The following TMEM106B variants were observed in gnomAD, a reference collection of about 807,000 sequenced individuals.
The protein encoded by TMEM106B is transmembrane protein 106B.
Under a neutral mutation model 31.1 loss-of-function variants are expected in TMEM106B, and 15 were observed. That is an observed-to-expected ratio of 0.48 (90% confidence interval 0.32 to 0.74). The LOEUF (loss-of-function observed/expected upper bound fraction) is 0.74, where lower values mean the gene tolerates loss of function less well. Among genes scored for constraint, TMEM106B ranks in the 30% least tolerant of loss-of-function variants. The pLI is 0.03. For missense variants in TMEM106B, 283 were observed against 327.3 expected (o/e 0.86, Z 1.04); for synonymous variants, 126 against 112.5 (o/e 1.12, Z -0.76).
intron 6 of TMEM106B, chr7:12,230,652 G>T: frequency 2.6e-6 from 1 of 389,684 alleles, no homozygotes; most frequent in Non-Finnish European, 4.5e-6. Context: ...TTATTTTTCA[G>T]AATTAGGGTT....
chr7:12,223,595 G>T (rs1364231717), intron 3 of TMEM106B, among the ~76,000 whole-genome samples: 1 of 152,058 alleles, frequency 6.6e-6, no homozygotes, highest in Non-Finnish European at 1.5e-5. Flanking sequence ...TTCAGAGGGA[G>T]TTTTGAAATG....
rs765162104 is a variant in TMEM106B at position 12,214,934 on chromosome 7, A to G, written c.124A>G (p.Asn42Asp). 1 of 1,614,106 alleles carries G rather than the reference A, an allele frequency of 6.2e-7. No individual in the cohort carries two copies. Among genetic ancestry groups the G allele is most frequent in the Non-Finnish European group, 8.5e-7 (1 of 1,179,976 alleles). The change falls in exon 2 of 8, where the codon AAT becomes GAT. Residue 42 changes from asparagine to aspartate, a missense_variant. Around this residue, in one of 3 missense-constraint regions of TMEM106B, gnomAD observed 77 missense variants for 89.4 expected, o/e 0.86. Coordinates refer to ENST00000396668, the MANE Select transcript of TMEM106B (RefSeq NM_001134232.2). The part of the protein sequence containing the change: ...NSEVHNEDGR[N>D]GDVSQFPYVE... ...TGAAGTCCATAATGAAGATGGAAGA[A>G]ATGGAGATGTCTCTCAGTTTCCATA... is the stretch of plus-strand genomic sequence containing the variant.
At chr7:12,231,515 A>G in intron 7 of TMEM106B, 2 of 256,728 alleles carry the variant, frequency 7.8e-6, no homozygotes, top group Non-Finnish European at 1.5e-5. Context: ...ATTAGCTGAC[A>G]TTTGATTAAC....
rs1414700858 is a variant in TMEM106B at position 12,240,511 on chromosome 7, T to C, written c.*8536T>C. 6.6e-6 allele frequency: 1 copy of C among 152,166 alleles called. No homozygotes were observed. Among genetic ancestry groups the C allele is most frequent in the Non-Finnish European group, 1.5e-5 (1 of 68,030 alleles). The allele number at this position is 152,166 out of a possible 1,614,324, so 9.4% of individuals were successfully genotyped here. ...TGTGTTTTAATTACTATTTTTAAAATCTTGTATGAGGTAGTATGATTTGAA... is the reference window on the plus strand; with the variant it reads ...TGTGTTTTAATTACTATTTTTAAAACCTTGTATGAGGTAGTATGATTTGAA... On this transcript the variant is annotated 3_prime_UTR_variant, in exon 8 of 8. Transcript: ENST00000396668.
intron 2 of TMEM106B, 123 bp downstream of exon 2, chr7:12,215,150 A>G (rs751299045): frequency 6.6e-5 from 47 of 715,078 alleles, no homozygotes; most frequent in East Asian, 5.4e-4. Flanking sequence ...TTGAAACATC[A>G]TATCAGTTAC....
chr7:12,231,453 G>T, intron 7 of TMEM106B: 1 of 255,136 alleles, frequency 3.9e-6, no homozygotes, highest in South Asian at 1.0e-4. Context: ...TGTAAATTGG[G>T]TGTTATCTAA....
chr7:12,230,576 C>G, intron 6 of TMEM106B, 138 bp downstream of exon 6: 1 of 552,870 alleles, frequency 1.8e-6, no homozygotes, highest in Non-Finnish European at 3.1e-6. Context: ...TTCTGGTCCT[C>G]TCTGTTCCTC....
chr7:12,217,443 G>A lies in TMEM106B; in HGVS notation c.218-1015G>A, dbSNP rs1184141177. On this transcript the variant is annotated intron_variant, in intron 2 of 7. Coordinates refer to ENST00000396668, the MANE Select transcript of TMEM106B (RefSeq NM_001134232.2). ...GCTTGAGAGTATGAACTTGGGAAAT[G>A]TAGTATGATTGTTGACATCATTAAG... 3.9e-5 allele frequency among the ~76,000 whole-genome samples: 6 copies of A among 152,208 alleles called. 1 individual carries two copies. Among genetic ancestry groups the A allele is most frequent in the Admixed American group, 3.9e-4 (6 of 15,286 alleles).
At chr7:12,226,053 G>T (rs1349490309) in intron 4 of TMEM106B, among the ~76,000 whole-genome samples, 1 of 152,124 alleles carries the variant, frequency 6.6e-6, no homozygotes, top group Non-Finnish European at 1.5e-5. Context: ...TTTTGTACAA[G>T]GTGTAAGGAA....
In TMEM106B at chr7:12,241,740, G is replaced by T. The variant is rs1241139744; in HGVS notation, c.*9765G>T. 6.6e-6 allele frequency: 1 copy of T among 152,152 alleles called. No homozygotes were observed. The highest frequency in any genetic ancestry group is 1.5e-5 in the Non-Finnish European group (1 of 68,056). 9.4% of individuals were successfully genotyped at this position (152,152 alleles called of 1,614,324 possible). A position where few individuals can be genotyped will look rare whatever the true frequency, so the allele number is the denominator to read the frequency against. ...TGTGTATGTGTCTTTACAGTAAAAT[G>T]ATTTATAATCTTTTGGGTATACACC... On this transcript the variant is annotated 3_prime_UTR_variant, in exon 8 of 8. Transcript: ENST00000396668.
chr7:12,222,313 T>C (rs1443288727), intron 3 of TMEM106B, among the ~76,000 whole-genome samples: 1 of 152,194 alleles, frequency 6.6e-6, no homozygotes, highest in African/African-American at 2.4e-5. Flanking sequence ...ACATATATTT[T>C]GTCAGTAAAC....
In TMEM106B at chr7:12,238,701, C is replaced by T. The variant is rs1782187671; in HGVS notation, c.*6726C>T. The T allele has an allele frequency of 6.6e-6, 1 of 152,122 alleles. No individual in the cohort carries two copies. The highest frequency in any genetic ancestry group is 1.5e-5 in the Non-Finnish European group (1 of 68,020). The allele number at this position is 152,122 out of a possible 1,614,324, so 9.4% of individuals were successfully genotyped here. A position where few individuals can be genotyped will look rare whatever the true frequency, so the allele number is the denominator to read the frequency against. ...AAACAACATTAATCTATTTGTACAT[C>T]ATCAGAGCTGTTGGGTGACCAGGTA... On this transcript the variant is annotated 3_prime_UTR_variant, in exon 8 of 8. Transcript: ENST00000396668.
At chr7:12,223,543 G>A (rs1157272433) in intron 3 of TMEM106B, among the ~76,000 whole-genome samples, 2 of 113,012 alleles carry the variant, frequency 1.8e-5, no homozygotes, top group African/African-American at 4.2e-5. Context: ...AGGGGATCAT[G>A]TAATGGCAAA....
In TMEM106B at chr7:12,214,956, C is replaced by T; in HGVS notation, c.146C>T (p.Pro49Leu). ...DGRNGDVSQFPYVEFTGRDSV... is the reference protein window; with the variant it reads ...DGRNGDVSQFLYVEFTGRDSV... ...AGAAATGGAGATGTCTCTCAGTTTCCATATGTGGAATTTACAGGAAGAGAT... is the reference window on the plus strand; with the variant it reads ...AGAAATGGAGATGTCTCTCAGTTTCTATATGTGGAATTTACAGGAAGAGAT... Residue 49 changes from proline to leucine, a missense_variant, in exon 2 of 8, where the codon CCA (proline) becomes CTA (leucine). Physicochemically the swap from Pro to Leu is moderately conservative, Grantham distance 98. Transcript: ENST00000396668. 8.1e-6 allele frequency: 13 copies of T among 1,613,980 alleles called. No homozygotes were observed. The highest frequency in any genetic ancestry group is 1.0e-5 in the Non-Finnish European group (12 of 1,179,936).
At chr7:12,215,669 T>G in intron 2 of TMEM106B, 1 of 365,224 alleles carries the variant, frequency 2.7e-6, no homozygotes, top group Non-Finnish European at 5.9e-6. Flanking sequence ...CATCCAGCCT[T>G]GGCCTCCCAA....
At chr7:12,212,194 T>C (rs1781593208) in intron 1 of TMEM106B, among the ~76,000 whole-genome samples, 2 of 152,192 alleles carry the variant, frequency 1.3e-5, no homozygotes, top group African/African-American at 4.8e-5. Flanking sequence ...GGAGAGCCAC[T>C]TGAGTCTGCC....
intron 2 of TMEM106B, 59 bp from the exon 3 acceptor site, chr7:12,218,399 G>T (rs936777330): frequency 7.1e-7 from 1 of 1,403,342 alleles, no homozygotes; most frequent in Non-Finnish European, 1.0e-6. Flanking sequence ...TTGTGATGGG[G>T]AGCCATTATA....
chr7:12,224,502 C>A, intron 4 of TMEM106B, 117 bp downstream of exon 4: 2 of 785,306 alleles, frequency 2.5e-6, no homozygotes, highest in Non-Finnish European at 3.9e-6. Context: ...AGTGTGCTTT[C>A]TGTATGTCTT....
chr7:12,213,331 ATTG>A (rs200174035), intron 1 of TMEM106B, among the ~76,000 whole-genome samples: 1,610 of 152,178 alleles, frequency 0.011, 9 homozygotes, highest in Non-Finnish European at 0.017. Flanking sequence ...GGGGCTTTTT[ATTG>A]TTGTTGCGAG....
Sources: gnomAD v4.1 joint callset for allele counts (sites outside exome capture counted in the v4.1 genomes callset) on GRCh38, gnomAD v4.1.1 for gene constraint, gnomAD v4.1.1 regional missense constraint, MANE v1.5 for transcripts, NCBI Gene and HGNC (gene_info 2026-07-23, HGNC 2026-07-21) for gene names.